The following C1orf21 variants were observed in gnomAD, a reference collection of about 807,000 sequenced individuals.
The protein encoded by C1orf21 is uncharacterized protein C1orf21.
In C1orf21, 3 loss-of-function variants were observed where a neutral mutation model predicts 18.7. That is an observed-to-expected ratio of 0.16 (90% CI 0.07 to 0.42). The LOEUF (loss-of-function observed/expected upper bound fraction) is 0.42, where lower values mean the gene tolerates loss of function less well. C1orf21 is among the 10% of genes least tolerant of loss of function. C1orf21 has a pLI of 0.99. For synonymous variants in C1orf21, 41 were observed against 46.4 expected (o/e 0.88, Z 0.47); for missense variants, 104 against 143.6 (o/e 0.72, Z 1.41).
intron 3 of C1orf21, among the ~76,000 whole-genome samples, chr1:184,534,790 A>G (rs192550469): frequency 1.3e-5 from 2 of 152,272 alleles, no homozygotes; most frequent in East Asian, 3.9e-4. Context: ...CTGTAGAGGT[A>G]GGAAAGTCTA....
chr1:184,399,623 C>T (rs542455107), intron 1 of C1orf21, among the ~76,000 whole-genome samples: 3 of 152,086 alleles, frequency 2.0e-5, no homozygotes, highest in East Asian at 3.9e-4. Flanking sequence ...CCAAAGTGCT[C>T]GGATTATAGG....
At chr1:184,440,987 T>C (rs951793596) in intron 1 of C1orf21, among the ~76,000 whole-genome samples, 1 of 152,234 alleles carries the variant, frequency 6.6e-6, no homozygotes, top group Non-Finnish European at 1.5e-5. Context: ...TCCTATTTGA[T>C]GTTTTTTGTT....
At chr1:184,422,482 T>A (rs1337839965) in intron 1 of C1orf21, among the ~76,000 whole-genome samples, 1 of 152,158 alleles carries the variant, frequency 6.6e-6, no homozygotes, top group Non-Finnish European at 1.5e-5. Context: ...GGTGGAGAAC[T>A]GAGGTGTAGA....
chr1:184,406,314 G>C (rs1656248130), intron 1 of C1orf21, among the ~76,000 whole-genome samples: 1 of 152,060 alleles, frequency 6.6e-6, no homozygotes, highest in South Asian at 2.1e-4. Flanking sequence ...AACAATGCTG[G>C]GGCTCTTCTT....
At chr1:184,431,266 CAG>C (rs1656758528) in intron 1 of C1orf21, among the ~76,000 whole-genome samples, 1 of 152,134 alleles carries the variant, frequency 6.6e-6, no homozygotes, top group Admixed American at 6.5e-5. Context: ...GGTACAAAAA[CAG>C]ATATATAGGC....
chr1:184,479,331 T>C (rs2101991288), intron 2 of C1orf21, among the ~76,000 whole-genome samples: 1 of 152,286 alleles, frequency 6.6e-6, no homozygotes, highest in East Asian at 1.9e-4. Context: ...CTACCTGATG[T>C]CCTGTGTCAT....
At chr1:184,397,556 A>C (rs575987448) in intron 1 of C1orf21, among the ~76,000 whole-genome samples, 11 of 151,222 alleles carry the variant, frequency 7.3e-5, no homozygotes, top group African/African-American at 2.7e-4. Flanking sequence ...ACTGCACTCC[A>C]GCCTGGGTGA....
Position 184,621,438 on chromosome 1 carries a change from A to G in C1orf21, c.*1882A>G, listed in dbSNP as rs1659914708. On this transcript the variant is annotated 3_prime_UTR_variant, in exon 6 of 6. Coordinates refer to ENST00000235307, the MANE Select transcript of C1orf21 (RefSeq NM_030806.4). ...CTAGGGTTTCAGGTTGCCTCCCCTC[A>G]TATGGTTTTTGGCCAAGTGACTAAA... 6.6e-6 allele frequency: 1 copy of G among 152,582 alleles called. No individual in the cohort carries two copies. Among genetic ancestry groups the G allele is most frequent in the South Asian group, 2.1e-4 (1 of 4,828 alleles). 9.5% of individuals were successfully genotyped at this position (152,582 alleles called of 1,614,324 possible).
intron 1 of C1orf21, among the ~76,000 whole-genome samples, chr1:184,420,711 C>T (rs1197927754): frequency 6.6e-6 from 1 of 152,030 alleles, no homozygotes; most frequent in African/African-American, 2.4e-5. Flanking sequence ...TTTTGCTTAA[C>T]CTGAAGTTGT....
intron 2 of C1orf21, among the ~76,000 whole-genome samples, chr1:184,485,153 T>C (rs1166488306): frequency 6.6e-6 from 1 of 152,156 alleles, no homozygotes; most frequent in East Asian, 1.9e-4. Context: ...TGTTTGTCAG[T>C]GCAGTCCAGC....
intron 1 of C1orf21, among the ~76,000 whole-genome samples, chr1:184,414,473 CAA>C (rs1656415160): frequency 6.6e-6 from 1 of 152,074 alleles, no homozygotes; most frequent in Admixed American, 6.5e-5. Context: ...GACTGTTTCT[CAA>C]AGAGAGGGCA....
chr1:184,530,598 T>C (rs1658445989), intron 3 of C1orf21, among the ~76,000 whole-genome samples: 1 of 145,928 alleles, frequency 6.9e-6, no homozygotes, highest in African/African-American at 2.6e-5. Context: ...TTTTTCTTTT[T>C]TCTTTTTTTT....
At position 184,590,760 on chromosome 1, in the gene C1orf21, G is replaced by A. The variant is rs1347372829; in HGVS notation, c.211G>A (p.Val71Ile). ...ENLEKSASSN[V>I]RLKTNKEVPG... ...TCAGGAAAAAAGTGCCAGCTCAAATGTAAGACTTAAAACTAATAAAGAGGT... is the reference window on the plus strand; with the variant it reads ...TCAGGAAAAAAGTGCCAGCTCAAATATAAGACTTAAAACTAATAAAGAGGT... The change falls in exon 4 of 6, where the codon GTA (valine) becomes ATA (isoleucine). Residue 71 changes from valine (V) to isoleucine (I), a missense_variant. By Grantham distance (29) the Val-to-Ile change is conservative (BLOSUM62 3). Coordinates refer to ENST00000235307, the MANE Select transcript of C1orf21 (RefSeq NM_030806.4). 1.9e-6 allele frequency: 3 copies of A among 1,613,902 alleles called. No individual in the cohort carries two copies. The highest frequency in any genetic ancestry group is 2.5e-6 in the Non-Finnish European group (3 of 1,179,940).
chr1:184,500,699 G>T (rs1404781013), intron 2 of C1orf21, among the ~76,000 whole-genome samples: 1 of 152,180 alleles, frequency 6.6e-6, no homozygotes, highest in Non-Finnish European at 1.5e-5. Context: ...TAATTCACTG[G>T]TGTGCTGTTT....
intron 1 of C1orf21, among the ~76,000 whole-genome samples, chr1:184,407,711 G>A (rs543195775): frequency 6.3e-4 from 96 of 152,176 alleles, no homozygotes; most frequent in Admixed American, 4.7e-3. Context: ...GAGTGGTGGG[G>A]GAAGAGGAAA....
intron 5 of C1orf21, among the ~76,000 whole-genome samples, chr1:184,601,628 C>A (rs760219082): frequency 1.3e-5 from 2 of 152,092 alleles, no homozygotes; most frequent in Admixed American, 6.5e-5. Flanking sequence ...TTCAGCCAGG[C>A]GCGGTGGCTC....
chr1:184,433,414 T>G (rs558067132), intron 1 of C1orf21, among the ~76,000 whole-genome samples: 10 of 152,248 alleles, frequency 6.6e-5, no homozygotes, highest in African/African-American at 2.4e-4. Context: ...CTTTGTAAAG[T>G]GCAGATCTGA....
chr1:184,505,166 C>T (rs1658034587), intron 2 of C1orf21, among the ~76,000 whole-genome samples: 1 of 151,680 alleles, frequency 6.6e-6, no homozygotes. Flanking sequence ...AAGGGCATCT[C>T]CTCCCTAGGA....
At chr1:184,422,595 C>G (rs1453844789) in intron 1 of C1orf21, among the ~76,000 whole-genome samples, 2 of 152,204 alleles carry the variant, frequency 1.3e-5, no homozygotes, top group Non-Finnish European at 2.9e-5. Context: ...AACCACTCCA[C>G]TAGAACCTTG....
Sources: allele counts gnomAD v4.1 joint callset (sites outside exome capture counted in the v4.1 genomes callset), GRCh38; gene constraint gnomAD v4.1.1; transcripts MANE v1.5; gene names NCBI Gene and HGNC (gene_info 2026-07-23, HGNC 2026-07-21).